Variants in GLYATL2 observed in about 807,000 individuals in gnomAD.
The protein encoded by GLYATL2 is glycine N-acyltransferase-like protein 2.
A neutral mutation model predicts 21.4 loss-of-function variants in GLYATL2; 25 were observed. The observed-to-expected ratio is 1.17, with a 90% CI of 0.85 to 1.63. GLYATL2 has a LOEUF of 1.63. GLYATL2 is among the 40% of genes most tolerant of loss of function. The pLI is 0.00. For synonymous variants in GLYATL2, 114 were observed against 118.2 expected, an observed-to-expected ratio of 0.96 and a Z score of 0.23; for missense variants, 361 against 343.3, an observed-to-expected ratio of 1.05 and a Z score of -0.41.
chr11:58,903,024 C>T (rs1854766133), intron 1 of GLYATL2, among the ~76,000 whole-genome samples: 1 of 152,196 alleles, frequency 6.6e-6, no homozygotes, highest in African/African-American at 2.4e-5. Context: ...GTTAGTTTCT[C>T]TGTGAGGGTC....
At chr11:58,882,793 T>C (rs866585825) in intron 1 of GLYATL2, among the ~76,000 whole-genome samples, 5 of 152,370 alleles carry the variant, frequency 3.3e-5, no homozygotes, top group Middle Eastern at 3.4e-3. Context: ...TTCAGCTTTC[T>C]ACATATGGCT....
intron 1 of GLYATL2, among the ~76,000 whole-genome samples, chr11:58,879,371 T>TA (rs1854292575): frequency 6.6e-6 from 1 of 152,236 alleles, no homozygotes; most frequent in Non-Finnish European, 1.5e-5. Flanking sequence ...TTGCTTTTTT[T>TA]ACCCATCATT....
At chr11:58,885,366 C>T in intron 1 of GLYATL2, 4 of 322,196 alleles carry the variant, frequency 1.2e-5, no homozygotes, top group Middle Eastern at 1.1e-3. Context: ...TTTTCTCTTC[C>T]TCTTCACATC....
intron 1 of GLYATL2, among the ~76,000 whole-genome samples, chr11:58,887,697 G>A (rs1854468024): frequency 6.6e-6 from 1 of 152,098 alleles, no homozygotes; most frequent in African/African-American, 2.4e-5. Context: ...AATAACTGTG[G>A]CATTCCATAG....
intron 1 of GLYATL2, among the ~76,000 whole-genome samples, chr11:58,894,927 A>T (rs1854609418): frequency 6.7e-6 from 1 of 149,974 alleles, no homozygotes; most frequent in African/African-American, 2.4e-5. Context: ...ATGTGAAAAC[A>T]GCTATATTTT....
intron 3 of GLYATL2, 139 bp from the exon 4 acceptor site, chr11:58,837,536 C>T (rs1441086654): frequency 1.3e-6 from 1 of 754,710 alleles, no homozygotes; most frequent in Non-Finnish European, 2.1e-6. Context: ...GCCTTGGAGT[C>T]ACTTCAAGAA....
At chr11:58,842,521 C>A (rs554944519) in intron 1 of GLYATL2, among the ~76,000 whole-genome samples, 6 of 141,902 alleles carry the variant, frequency 4.2e-5, no homozygotes, top group East Asian at 2.1e-4. Context: ...TGTGTGTGTG[C>A]GCCCTGTGAT....
At chr11:58,887,014 G>A (rs751021037) in intron 1 of GLYATL2, among the ~76,000 whole-genome samples, 1 of 152,198 alleles carries the variant, frequency 6.6e-6, no homozygotes, top group African/African-American at 2.4e-5. Context: ...TTAATGCTTA[G>A]TTTATTTAAT....
chr11:58,872,470 A>G (rs906284317), intron 1 of GLYATL2, among the ~76,000 whole-genome samples: 24 of 152,238 alleles, frequency 1.6e-4, no homozygotes, highest in Admixed American at 1.6e-3. Context: ...TATAAGGTGT[A>G]AGGAAGAGAT....
At chr11:58,883,668 A>C (rs1854383772) in intron 1 of GLYATL2, among the ~76,000 whole-genome samples, 1 of 152,168 alleles carries the variant, frequency 6.6e-6, no homozygotes, top group Non-Finnish European at 1.5e-5. Context: ...TTCCTTCTGA[A>C]ACTATTCCAA....
chr11:58,851,066 A>C (rs1313443778), intron 1 of GLYATL2, among the ~76,000 whole-genome samples: 1 of 152,138 alleles, frequency 6.6e-6, no homozygotes, highest in Non-Finnish European at 1.5e-5. Flanking sequence ...TCTGGTGGAC[A>C]CGTGACTCAC....
Position 58,834,210 on chromosome 11 carries a change from T to C in GLYATL2, c.*219A>G. 2 of 381,272 alleles carry C rather than the reference T, an allele frequency of 5.2e-6. No individual in the cohort carries two copies. 23.6% of individuals were successfully genotyped at this position (381,272 alleles called of 1,614,324 possible). On this transcript the variant is annotated 3_prime_UTR_variant, in exon 6 of 6. Transcript: ENST00000287275. ...GCTTTGGGTGATTTTAATTCTGAGA[T>C]GTCTGTCATAAAGGAAATTATGAGA... is the stretch of plus-strand genomic sequence containing the variant.
chr11:58,866,703 T>C (rs1324006958), intron 1 of GLYATL2, among the ~76,000 whole-genome samples: 1 of 149,146 alleles, frequency 6.7e-6, no homozygotes, highest in Non-Finnish European at 1.5e-5. Flanking sequence ...GTCAGTTCCC[T>C]GTTGAACAGA....
In GLYATL2 at chr11:58,878,535, C is replaced by T. The variant is rs543122661; in HGVS notation, n.60+25621G>A. On this transcript the variant is annotated intron_variant and non_coding_transcript_variant, in intron 1 of 4. Coordinates refer to the GLYATL2 transcript ENST00000533636. ...ATTTGATCTAAGAATTAGCTGGCTT[C>T]GATCCCCTTAGAGGCCTCTAACAGC... Among the ~76,000 whole-genome samples the T allele has an allele frequency of 7.9e-5, 12 of 152,284 alleles. No homozygotes were observed. The East Asian group carries it at 1.5e-3, about 20-fold the overall frequency.
intron 1 of GLYATL2, among the ~76,000 whole-genome samples, chr11:58,875,624 C>G (rs1180104423): frequency 6.6e-6 from 1 of 152,222 alleles, no homozygotes; most frequent in South Asian, 2.1e-4. Context: ...GGCCCCCACT[C>G]TCTTCTGGCT....
At chr11:58,877,351 A>C (rs564536652) in intron 1 of GLYATL2, among the ~76,000 whole-genome samples, 3 of 152,192 alleles carry the variant, frequency 2.0e-5, no homozygotes, top group Non-Finnish European at 4.4e-5. Flanking sequence ...GAAATCATCC[A>C]TCTTCTGTGT....
chr11:58,878,369 C>A, intron 1 of GLYATL2: 1 of 649,194 alleles, frequency 1.5e-6, no homozygotes, highest in Non-Finnish European at 2.2e-6. Flanking sequence ...CTCAGAGTGG[C>A]TGAGGATCAT....
chr11:58,893,853 T>G (rs1483522648), intron 1 of GLYATL2, among the ~76,000 whole-genome samples: 1 of 152,234 alleles, frequency 6.6e-6, no homozygotes, highest in Non-Finnish European at 1.5e-5. Flanking sequence ...ACCTAATCTA[T>G]ATGGATACTT....
intron 1 of GLYATL2, among the ~76,000 whole-genome samples, chr11:58,866,780 C>A (rs1381892820): frequency 2.0e-5 from 3 of 149,054 alleles, no homozygotes; most frequent in African/African-American, 7.3e-5. Context: ...CTCAAGGTAA[C>A]TTTAAAAGAA....
Sources: allele counts gnomAD v4.1 joint callset (sites outside exome capture counted in the v4.1 genomes callset), GRCh38; gene constraint gnomAD v4.1.1; transcripts MANE v1.5; gene names NCBI Gene and HGNC (gene_info 2026-07-23, HGNC 2026-07-21).